The following MACROD2 variants were observed in gnomAD, a reference collection of about 807,000 sequenced individuals.
MACROD2 encodes mono-ADP ribosylhydrolase 2.
MACROD2 carries 36 observed loss-of-function variants against 70.4 expected under a neutral mutation model. The ratio of observed to expected loss-of-function variants is 0.51; its 90% CI spans 0.39 to 0.68. The LOEUF (loss-of-function observed/expected upper bound fraction) is 0.68. MACROD2 is among the 30% of genes least tolerant of loss of function. The pLI, the probability that MACROD2 is intolerant of heterozygous loss-of-function variation, is 0.00. For synonymous variants in MACROD2, 172 were observed against 178.8 expected (o/e 0.96, Z 0.30); for missense variants, 496 against 538.4 (o/e 0.92, Z 0.78).
chr20:15,134,933 C>T (rs1304619795), intron 5 of MACROD2, among the ~76,000 whole-genome samples: 2 of 152,098 alleles, frequency 1.3e-5, no homozygotes, highest in African/African-American at 4.8e-5. Flanking sequence ...ATACTACAAG[C>T]ACCTCTACGC....
intron 7 of MACROD2, among the ~76,000 whole-genome samples, chr20:15,454,043 G>A (rs1364685606): frequency 2.0e-5 from 3 of 152,072 alleles, no homozygotes; most frequent in Admixed American, 2.0e-4. Context: ...TGAATATTGG[G>A]TTTATGGAGA....
chr20:15,787,011 C>T (rs777230600), intron 8 of MACROD2, among the ~76,000 whole-genome samples: 7 of 152,072 alleles, frequency 4.6e-5, no homozygotes, highest in Admixed American at 2.6e-4. Flanking sequence ...CTCACTCTGT[C>T]GCCCAGGCTG....
At chr20:15,463,751 AAAAC>A (rs377030979) in intron 7 of MACROD2, among the ~76,000 whole-genome samples, 69 of 152,328 alleles carry the variant, frequency 4.5e-4, no homozygotes, top group African/African-American at 1.5e-3. Context: ...TCCATCTCAA[AAAAC>A]AAACAAACAA....
At chr20:14,017,334 T>C (rs975124102) in intron 2 of MACROD2, among the ~76,000 whole-genome samples, 1 of 152,140 alleles carries the variant, frequency 6.6e-6, no homozygotes. Flanking sequence ...GCCTGATTAC[T>C]CTGGCTAAAA....
chr20:15,880,480 A>G (rs2064739091), intron 9 of MACROD2, among the ~76,000 whole-genome samples: 1 of 151,704 alleles, frequency 6.6e-6, no homozygotes, highest in African/African-American at 2.4e-5. Flanking sequence ...CCCAGGAAAC[A>G]CCAGTAGGGA....
chr20:14,105,645 A>T (rs1309531254), intron 3 of MACROD2, among the ~76,000 whole-genome samples: 2 of 152,210 alleles, frequency 1.3e-5, no homozygotes, highest in Admixed American at 1.3e-4. Context: ...CTAGGGTGGC[A>T]TATGGCCTAG....
chr20:15,922,615 A>C (rs2065427024), intron 10 of MACROD2, among the ~76,000 whole-genome samples: 1 of 152,222 alleles, frequency 6.6e-6, no homozygotes, highest in African/African-American at 2.4e-5. Flanking sequence ...CAGTGACAAA[A>C]GTCTCCGCTG....
At chr20:14,045,056 C>G (rs1440943964) in intron 2 of MACROD2, among the ~76,000 whole-genome samples, 6 of 152,218 alleles carry the variant, frequency 3.9e-5, no homozygotes, top group African/African-American at 1.4e-4. Context: ...CTGGGGCTTG[C>G]GGGCCGGCTT....
At chr20:15,982,713 T>A (rs2066419195) in intron 13 of MACROD2, among the ~76,000 whole-genome samples, 1 of 152,188 alleles carries the variant, frequency 6.6e-6, no homozygotes, top group Admixed American at 6.5e-5. Flanking sequence ...CTTCAATGGT[T>A]ATGTAGGGAT....
intron 2 of MACROD2, among the ~76,000 whole-genome samples, chr20:14,004,339 T>C (rs2052780692): frequency 6.6e-6 from 1 of 152,232 alleles, no homozygotes; most frequent in South Asian, 2.1e-4. Context: ...TTATAAGTGG[T>C]TACAACTGCT....
chr20:14,255,500 A>G (rs1440362735), intron 3 of MACROD2, among the ~76,000 whole-genome samples: 2 of 150,302 alleles, frequency 1.3e-5, no homozygotes, highest in Non-Finnish European at 3.0e-5. Context: ...ACACATGGAC[A>G]CAGGAAGGGG....
chr20:15,175,449 A>AT (rs201874736), intron 5 of MACROD2, among the ~76,000 whole-genome samples: 2,596 of 152,198 alleles, frequency 0.017, 41 homozygotes, highest in Non-Finnish European at 0.028. Context: ...ATAAAATTTA[A>AT]AAAAAGATAT....
At chr20:16,039,107 C>G (rs1431978056) in intron 15 of MACROD2, among the ~76,000 whole-genome samples, 1 of 151,948 alleles carries the variant, frequency 6.6e-6, no homozygotes, top group Non-Finnish European at 1.5e-5. Context: ...GACACATGTG[C>G]AATGTCAGCT....
intron 5 of MACROD2, among the ~76,000 whole-genome samples, chr20:15,146,083 A>G (rs1268537629): frequency 6.6e-6 from 1 of 152,176 alleles, no homozygotes; most frequent in African/African-American, 2.4e-5. Flanking sequence ...TGAGCTTTCA[A>G]TCTCATACAG....
At chr20:14,638,560 C>A (rs1000470668) in intron 4 of MACROD2, among the ~76,000 whole-genome samples, 3 of 152,110 alleles carry the variant, frequency 2.0e-5, no homozygotes, top group South Asian at 2.1e-4. Flanking sequence ...TTCATGTGAC[C>A]TTGAATAAAT....
intron 3 of MACROD2, among the ~76,000 whole-genome samples, chr20:14,344,817 C>G (rs142533743): frequency 2.1e-4 from 32 of 152,234 alleles, no homozygotes; most frequent in South Asian, 1.9e-3. Context: ...ATTCAAGGAG[C>G]TTTTTGGTTG....
intron 8 of MACROD2, among the ~76,000 whole-genome samples, chr20:15,748,125 T>G (rs1376211772): frequency 6.6e-6 from 1 of 152,206 alleles, no homozygotes; most frequent in Admixed American, 6.6e-5. Context: ...CCTTTCTTAA[T>G]GCATCTGCTT....
At chr20:15,293,793 T>C (rs941449073) in intron 6 of MACROD2, among the ~76,000 whole-genome samples, 2 of 152,160 alleles carry the variant, frequency 1.3e-5, no homozygotes, top group East Asian at 1.9e-4. Flanking sequence ...TGGCACAATG[T>C]TACAAAAAAT....
At chr20:14,099,043 G>C in intron 3 of MACROD2, among the ~76,000 whole-genome samples, 1 of 152,174 alleles carries the variant, frequency 6.6e-6, no homozygotes, top group East Asian at 1.9e-4. Context: ...ACTTTGGGAG[G>C]CCGAGGCAGG....
Sources: allele counts gnomAD v4.1 joint callset (sites outside exome capture counted in the v4.1 genomes callset), GRCh38; gene constraint gnomAD v4.1.1; transcripts MANE v1.5; gene names NCBI Gene and HGNC (gene_info 2026-07-23, HGNC 2026-07-21).